The following BCL2L13 variants were observed in gnomAD, a reference collection of about 807,000 sequenced individuals.
BCL2L13 encodes the protein bcl-2-like protein 13.
In BCL2L13, 13 loss-of-function variants were observed where a neutral mutation model predicts 25.8. That is an observed-to-expected ratio of 0.50 (90% CI 0.33 to 0.80). BCL2L13 has a LOEUF of 0.80. BCL2L13 is among the 30% of genes least tolerant of loss of function. The pLI is 0.02. For missense variants in BCL2L13, 504 were observed against 574.9 expected (o/e 0.88, Z 1.26); for synonymous variants, 244 against 230.3 (o/e 1.06, Z -0.54).
chr22:17,696,112 GAC>G (rs2060256867), intron 4 of BCL2L13, 27 bp from the exon 5 acceptor site: 1 of 1,575,274 alleles, frequency 6.3e-7, no homozygotes, highest in South Asian at 1.1e-5. Flanking sequence ...CCTTCTTTGT[GAC>G]ACAGACTTTT....
intron 6 of BCL2L13, among the ~76,000 whole-genome samples, chr22:17,722,404 T>TGTGTGTGTGTGTGTGTGTGTGTGTGC (rs1569017642): frequency 2.6e-5 from 4 of 151,534 alleles, no homozygotes; most frequent in African/African-American, 9.7e-5. Flanking sequence ...TGTGTGTGTG[T>TGTGTGTGTGTGTGTGTGTGTGTGTGC]GTGTGTGTGT....
At chr22:17,684,174 G>T (rs2059839817) in intron 3 of BCL2L13, among the ~76,000 whole-genome samples, 1 of 151,898 alleles carries the variant, frequency 6.6e-6, no homozygotes, top group Admixed American at 6.6e-5. Context: ...CATTTAAAAG[G>T]TCCAGTTCAG....
At chr22:17,704,925 TAA>T (rs1394028043) in intron 6 of BCL2L13, among the ~76,000 whole-genome samples, 2 of 151,722 alleles carry the variant, frequency 1.3e-5, no homozygotes, top group African/African-American at 4.8e-5. Context: ...GAAACATAGT[TAA>T]ACTGTACATA....
intron 1 of BCL2L13, among the ~76,000 whole-genome samples, chr22:17,644,201 T>C (rs983970028): frequency 6.6e-6 from 1 of 151,534 alleles, no homozygotes; most frequent in Non-Finnish European, 1.5e-5. Flanking sequence ...TGAGCAACTT[T>C]GCCTGGTCTT....
chr22:17,705,544 G>A (rs966454083), intron 6 of BCL2L13, among the ~76,000 whole-genome samples: 12 of 151,758 alleles, frequency 7.9e-5, no homozygotes, highest in Non-Finnish European at 2.9e-5. Flanking sequence ...TGATCCACCC[G>A]CCTCAGCCTC....
At chr22:17,668,578 C>G (rs1219778536) in intron 2 of BCL2L13, among the ~76,000 whole-genome samples, 1 of 151,976 alleles carries the variant, frequency 6.6e-6, no homozygotes, top group Non-Finnish European at 1.5e-5. Context: ...CTCAGCCTCC[C>G]AAGTAGCTGG....
chr22:17,677,730 G>C (rs975987283), intron 2 of BCL2L13, among the ~76,000 whole-genome samples: 1 of 152,098 alleles, frequency 6.6e-6, no homozygotes, highest in Non-Finnish European at 1.5e-5. Context: ...AAATTAGCTG[G>C]GTGTGGTGGT....
chr22:17,663,292 G>T (rs1328916351), intron 2 of BCL2L13, among the ~76,000 whole-genome samples: 1 of 152,218 alleles, frequency 6.6e-6, no homozygotes, highest in Non-Finnish European at 1.5e-5. Flanking sequence ...GAATTCAGTA[G>T]TATGGATTAC....
intron 2 of BCL2L13, among the ~76,000 whole-genome samples, chr22:17,677,669 C>T (rs1027336331): frequency 4.6e-5 from 7 of 152,034 alleles, no homozygotes; most frequent in South Asian, 2.1e-4. Flanking sequence ...GTCAGGAGAT[C>T]GAGACCATCC....
upstream of BCL2L13, among the ~76,000 whole-genome samples, chr22:17,636,571 C>T (rs1601438677): frequency 1.3e-5 from 2 of 151,840 alleles, no homozygotes; most frequent in South Asian, 4.2e-4. Flanking sequence ...GGGTGATCAC[C>T]CAAGGCCAAG....
intron 2 of BCL2L13, among the ~76,000 whole-genome samples, chr22:17,662,623 ACCAG>A (rs1461974018): frequency 2.6e-5 from 4 of 151,992 alleles, no homozygotes; most frequent in Non-Finnish European, 5.9e-5. Context: ...GGAATTCGAG[ACCAG>A]CCTACATGGC....
At chr22:17,671,673 T>G (rs113217153) in intron 2 of BCL2L13, among the ~76,000 whole-genome samples, 9 of 152,256 alleles carry the variant, frequency 5.9e-5, no homozygotes, top group African/African-American at 2.2e-4. Context: ...CAGGCGATCT[T>G]TATGCCTTAG....
At chr22:17,688,928 C>G in intron 3 of BCL2L13, 58 bp from the exon 4 acceptor site, 2 of 1,543,538 alleles carry the variant, frequency 1.3e-6, no homozygotes, top group Non-Finnish European at 1.8e-6. Context: ...CCACCACACC[C>G]AGCTAATTTT....
chr22:17,678,554 C>A (rs1181672106), intron 2 of BCL2L13, among the ~76,000 whole-genome samples: 3 of 152,142 alleles, frequency 2.0e-5, no homozygotes, highest in African/African-American at 7.2e-5. Context: ...GTGGTAGAAC[C>A]TATCCAAGCT....
intron 6 of BCL2L13, among the ~76,000 whole-genome samples, chr22:17,705,458 C>T (rs1007603849): frequency 1.1e-4 from 16 of 151,742 alleles, no homozygotes; most frequent in African/African-American, 2.7e-4. Context: ...CCACCACACC[C>T]GGCTAATTTT....
At chr22:17,716,919 T>C (rs1455141324) in intron 6 of BCL2L13, among the ~76,000 whole-genome samples, 4 of 152,138 alleles carry the variant, frequency 2.6e-5, no homozygotes, top group Admixed American at 2.6e-4. Context: ...TTTTATGAGA[T>C]AGAGGCTGAT....
At chr22:17,666,473 A>G (rs768483727) in intron 2 of BCL2L13, among the ~76,000 whole-genome samples, 13 of 151,232 alleles carry the variant, frequency 8.6e-5, no homozygotes, top group Non-Finnish European at 1.8e-4. Context: ...AACCATCCCC[A>G]CCTCCTGCTG....
intron 1 of BCL2L13, among the ~76,000 whole-genome samples, chr22:17,650,490 G>T (rs2058647340): frequency 6.6e-6 from 1 of 152,100 alleles, no homozygotes; most frequent in East Asian, 1.9e-4. Flanking sequence ...GGCATTGGCG[G>T]TGGGAGGCAC....
chr22:17,666,678 CTT>C (rs35623813), intron 2 of BCL2L13, among the ~76,000 whole-genome samples: 14 of 121,358 alleles, frequency 1.2e-4, no homozygotes, highest in Admixed American at 3.7e-4. Flanking sequence ...GGACCTCATT[CTT>C]TTTTTTTTTT....
Sources: gnomAD v4.1 joint callset for allele counts (sites outside exome capture counted in the v4.1 genomes callset) on GRCh38, gnomAD v4.1.1 for gene constraint, MANE v1.5 for transcripts, NCBI Gene and HGNC (gene_info 2026-07-23, HGNC 2026-07-21) for gene names.